The following NR3C2 variants were observed in gnomAD, a reference collection of about 807,000 sequenced individuals.
The protein encoded by NR3C2 is mineralocorticoid receptor.
Under a neutral mutation model 86.4 loss-of-function variants are expected in NR3C2, and 15 were observed. The observed-to-expected ratio is 0.17, with a 90% CI of 0.12 to 0.27. NR3C2 has a LOEUF of 0.27. NR3C2 is among the 10% of genes least tolerant of loss of function. NR3C2 has a pLI of 1.00. For missense variants in NR3C2, 960 were observed against 1,195.6 expected (o/e 0.80, Z 2.91); for synonymous variants, 458 against 450.5 (o/e 1.02, Z -0.21).
intron 4 of NR3C2, among the ~76,000 whole-genome samples, chr4:148,185,757 A>C (rs1735862628): frequency 6.6e-6 from 1 of 152,114 alleles, no homozygotes; most frequent in Non-Finnish European, 1.5e-5. Flanking sequence ...CTATTTTACA[A>C]CCTGATTTTT....
chr4:148,416,646 C>T (rs898509950), intron 2 of NR3C2, among the ~76,000 whole-genome samples: 1 of 152,206 alleles, frequency 6.6e-6, no homozygotes, highest in African/African-American at 2.4e-5. Context: ...TCTATGCTCC[C>T]TATCCACCAT....
At chr4:148,323,461 G>C (rs1280561085) in intron 2 of NR3C2, among the ~76,000 whole-genome samples, 2 of 144,514 alleles carry the variant, frequency 1.4e-5, no homozygotes, top group Admixed American at 6.8e-5. Flanking sequence ...TGCAATGGCG[G>C]GCGCCCCTCC....
At chr4:148,305,925 C>A (rs994754427) in intron 2 of NR3C2, among the ~76,000 whole-genome samples, 1 of 152,174 alleles carries the variant, frequency 6.6e-6, no homozygotes, top group Non-Finnish European at 1.5e-5. Flanking sequence ...TCCCAGAGTT[C>A]TCAGAAAAGA....
intron 2 of NR3C2, among the ~76,000 whole-genome samples, chr4:148,364,759 C>T (rs972823689): frequency 2.6e-5 from 4 of 151,256 alleles, no homozygotes; most frequent in Admixed American, 1.3e-4. Context: ...AGTGAGATGA[C>T]TGGTTGAGTA....
chr4:148,291,160 C>A (rs1294164058), intron 2 of NR3C2, among the ~76,000 whole-genome samples: 1 of 151,946 alleles, frequency 6.6e-6, no homozygotes, highest in Admixed American at 6.6e-5. Context: ...ATTTAAAGGC[C>A]AAAAAGCATG....
intron 6 of NR3C2, among the ~76,000 whole-genome samples, chr4:148,139,937 G>A (rs993843304): frequency 1.3e-5 from 2 of 152,116 alleles, no homozygotes; most frequent in African/African-American, 2.4e-5. Context: ...AAAAATAATC[G>A]TGTGGTTCAA....
chr4:148,308,704 T>G (rs141844487), intron 2 of NR3C2, among the ~76,000 whole-genome samples: 82 of 152,224 alleles, frequency 5.4e-4, no homozygotes, highest in Middle Eastern at 3.4e-3. Flanking sequence ...CAACAACATG[T>G]TTCCAGGCCA....
At chr4:148,170,435 A>G (rs1034718648) in intron 4 of NR3C2, among the ~76,000 whole-genome samples, 4 of 132,664 alleles carry the variant, frequency 3.0e-5, no homozygotes, top group Non-Finnish European at 6.9e-5. Context: ...AACTCAGCAT[A>G]ATAAAAAAAT....
intron 4 of NR3C2, among the ~76,000 whole-genome samples, chr4:148,183,414 T>C (rs1378141084): frequency 3.9e-5 from 6 of 152,224 alleles, no homozygotes; most frequent in Non-Finnish European, 7.3e-5. Flanking sequence ...TCCACAATGG[T>C]TGAACTAGTT....
At chr4:148,254,864 C>T (rs1321987947) in intron 3 of NR3C2, among the ~76,000 whole-genome samples, 2 of 152,020 alleles carry the variant, frequency 1.3e-5, no homozygotes, top group African/African-American at 2.4e-5. Context: ...CATGGAAACA[C>T]CAGGGACTGT....
At chr4:148,383,667 T>G (rs1747111888) in intron 2 of NR3C2, among the ~76,000 whole-genome samples, 1 of 152,086 alleles carries the variant, frequency 6.6e-6, no homozygotes. Flanking sequence ...AATAAGCACC[T>G]TTTGGACGGG....
intron 6 of NR3C2, among the ~76,000 whole-genome samples, chr4:148,150,427 A>G (rs1347091929): frequency 6.6e-6 from 1 of 151,082 alleles, no homozygotes; most frequent in Non-Finnish European, 1.5e-5. Context: ...TATCTGACAC[A>G]CCTATTTTCT....
intron 2 of NR3C2, among the ~76,000 whole-genome samples, chr4:148,343,864 C>G (rs535513137): frequency 2.0e-5 from 3 of 152,224 alleles, no homozygotes; most frequent in Admixed American, 6.5e-5. Context: ...TAAATTACAA[C>G]TGCTTCATAG....
intron 8 of NR3C2, among the ~76,000 whole-genome samples, chr4:148,102,046 G>C (rs562968377): frequency 3.7e-4 from 56 of 152,288 alleles, no homozygotes; most frequent in African/African-American, 1.3e-3. Context: ...TTTGCTAACT[G>C]ACCTTTCTGC....
At chr4:148,153,771 G>T (rs1364548438) in intron 5 of NR3C2, among the ~76,000 whole-genome samples, 1 of 152,114 alleles carries the variant, frequency 6.6e-6, no homozygotes, top group African/African-American at 2.4e-5. Context: ...CAATTTAAAG[G>T]GTGCTGGGGG....
Position 148,154,629 on chromosome 4 carries a change from C to G in NR3C2, c.2287G>C (p.Glu763Gln). 4 of 1,614,128 alleles carry G rather than the reference C, an allele frequency of 2.5e-6. No homozygotes were observed. Among genetic ancestry groups the G allele is most frequent in the South Asian group, 1.1e-5 (1 of 91,074 alleles). The change falls in exon 5 of 9, where the codon GAA (glutamate) becomes CAA (glutamine). Residue 763 changes from glutamate (E) to glutamine (Q), a missense_variant. Coordinates refer to ENST00000358102, the MANE Select transcript of NR3C2 (RefSeq NM_000901.5). Reference sequence around the variant, plus strand: ...CGGTTGAGCGTGGAGAGCAGATTTTCGGCTGTATCTGGTTTTGAGCTGTCA... The same window carrying G: ...CGGTTGAGCGTGGAGAGCAGATTTTGGGCTGTATCTGGTTTTGAGCTGTCA... ...GYDSSKPDTA[E>Q]NLLSTLNRLA... is the part of the protein sequence containing the mutation.
chr4:148,114,205 T>A lies in NR3C2; in HGVS notation c.2698A>T (p.Ile900Phe). 1 of 1,614,004 alleles carries A rather than the reference T, an allele frequency of 6.2e-7. No individual in the cohort carries two copies. Among genetic ancestry groups the A allele is most frequent in the Non-Finnish European group, 8.5e-7 (1 of 1,179,956 alleles). Residue 900 changes from isoleucine to phenylalanine, a missense_variant, in exon 8 of 9, where the codon ATC (isoleucine) becomes TTC (phenylalanine). Ile to Phe is a conservative substitution (Grantham distance 21, BLOSUM62 0). Transcript: ENST00000358102. Reference protein sequence around the residue: ...AAFEEMRTNYIKELRKMVTKC... With the variant: ...AAFEEMRTNYFKELRKMVTKC... ...GTTACCATCTTCCTCAGTTCTTTGA[T>A]GTAATTTGTCCTCATTTCTTCAAAT... is the stretch of plus-strand genomic sequence containing the variant.
In NR3C2 at chr4:148,213,862, C is replaced by A. The variant is rs147650005; in HGVS notation, c.1898-19000G>T. Among the ~76,000 whole-genome samples, 649 of 152,236 alleles carry A rather than the reference C, an allele frequency of 4.3e-3. 18 individuals carry two copies. The highest frequency in any genetic ancestry group is 5.8e-3 in the East Asian group (30 of 5,186). On this transcript the variant is annotated intron_variant, in intron 3 of 8. Transcript: ENST00000358102. ...TGGAATACTTTACAACTTACATAGT[C>A]CCCTTTTTCTTGAGCTCCAAAAGGC...
Position 148,308,043 on chromosome 4 carries a change from GT to G in NR3C2, c.1758-47927del, listed in dbSNP as rs142004041. Among the ~76,000 whole-genome samples, 3 of 152,178 alleles carry G rather than the reference GT, an allele frequency of 2.0e-5. No homozygotes were observed. The East Asian group carries it at 5.8e-4, about 29-fold the overall frequency. On this transcript the variant is annotated intron_variant, in intron 2 of 8. Transcript: ENST00000358102. ...TGGATTTCTAAGTTTTGCTTATGAG[GT>G]TTGTGAGATACAATGCCTCTCTTTT...
Sources: allele counts gnomAD v4.1 joint callset (sites outside exome capture counted in the v4.1 genomes callset), GRCh38; gene constraint gnomAD v4.1.1; transcripts MANE v1.5; gene names NCBI Gene and HGNC (gene_info 2026-07-23, HGNC 2026-07-21).